Variants in TBCK observed in about 807,000 individuals in gnomAD.
The protein encoded by TBCK is TBC domain-containing protein kinase-like protein.
TBCK carries 99 observed loss-of-function variants against 113.4 expected under a neutral mutation model. That is an observed-to-expected ratio of 0.87 (90% CI 0.74 to 1.03). TBCK has a LOEUF of 1.03. Among genes scored for constraint, TBCK ranks in the 50% least tolerant of loss-of-function variants. The pLI, the probability that TBCK is intolerant of heterozygous loss-of-function variation, is 0.00. For missense variants in TBCK, 1,045 were observed against 1,061.3 expected, an observed-to-expected ratio of 0.98 and a Z score of 0.21; for synonymous variants, 369 against 370.8, an observed-to-expected ratio of 1.00 and a Z score of 0.05.
chr4:106,277,297 C>T (rs992111294), intron 3 of TBCK, among the ~76,000 whole-genome samples: 8 of 152,020 alleles, frequency 5.3e-5, no homozygotes, highest in Non-Finnish European at 5.9e-5. Flanking sequence ...AAATATTAGT[C>T]ATACACATGA....
intron 22 of TBCK, among the ~76,000 whole-genome samples, chr4:106,183,188 G>A (rs1752607547): frequency 6.6e-6 from 1 of 151,948 alleles, no homozygotes; most frequent in Non-Finnish European, 1.5e-5. Flanking sequence ...ATTTCAGGTG[G>A]CCAATCCATC....
chr4:106,091,669 A>T (rs1469838908), intron 25 of TBCK, among the ~76,000 whole-genome samples: 1 of 152,070 alleles, frequency 6.6e-6, no homozygotes, highest in Non-Finnish European at 1.5e-5. Flanking sequence ...TCAGGAGTGA[A>T]GCTGCAGACC....
At chr4:106,121,760 G>C (rs557214731) in intron 23 of TBCK, among the ~76,000 whole-genome samples, 4,176 of 152,184 alleles carry the variant, frequency 0.027, 185 homozygotes, top group African/African-American at 0.096. Context: ...TGAACAACCT[G>C]CTCCTGAATG....
At position 106,136,157 on chromosome 4, in the gene TBCK, ACTGTTATTTTTCCTTTT is replaced by A. The variant is rs1015962370; in HGVS notation, c.2236-19796_2236-19780del. On this transcript the variant is annotated intron_variant, in intron 23 of 25. Transcript: ENST00000394708. ...CCTTTTTTTATTCAGTTTTTCCTTT[ACTGTTATTTTTCCTTTT>A]CTGTTATTTTTCCTTGGTCTATAAA... 9.2e-5 allele frequency among the ~76,000 whole-genome samples: 13 copies of A among 140,688 alleles called. 1 individual carries two copies. The highest frequency in any genetic ancestry group is 3.0e-4 in the African/African-American group (12 of 39,672). The allele number at this position is 140,688 out of a possible 152,430, so 92.3% of individuals were successfully genotyped here. A position where few individuals can be genotyped will look rare whatever the true frequency, so the allele number is the denominator to read the frequency against.
chr4:106,290,175 TTTTA>T (rs920920364), intron 3 of TBCK, among the ~76,000 whole-genome samples: 3 of 152,024 alleles, frequency 2.0e-5, no homozygotes, highest in African/African-American at 7.2e-5. Context: ...TAATATATTA[TTTTA>T]TTTATTTATT....
chr4:106,140,114 CT>C (rs1452033753), intron 23 of TBCK, among the ~76,000 whole-genome samples: 1 of 140,066 alleles, frequency 7.1e-6, no homozygotes, highest in East Asian at 2.0e-4. Flanking sequence ...TAAAAAAGGT[CT>C]TCATATCTTC....
At chr4:106,122,703 A>G (rs962940961) in intron 23 of TBCK, among the ~76,000 whole-genome samples, 1 of 152,176 alleles carries the variant, frequency 6.6e-6, no homozygotes, top group African/African-American at 2.4e-5. Context: ...CATCCCTGGG[A>G]TGCAAGGCTG....
chr4:106,211,268 T>G (rs945971919), intron 20 of TBCK, among the ~76,000 whole-genome samples: 27 of 152,186 alleles, frequency 1.8e-4, no homozygotes, highest in African/African-American at 6.5e-4. Flanking sequence ...TGACAGCTTC[T>G]TCAACTCTAG....
At chr4:106,047,374 G>C (rs770419957) in intron 25 of TBCK, among the ~76,000 whole-genome samples, 1 of 152,120 alleles carries the variant, frequency 6.6e-6, no homozygotes, top group Non-Finnish European at 1.5e-5. Context: ...CCTCAACTGC[G>C]TATCAATCCC....
At chr4:106,249,540 C>T (rs996973296) in intron 7 of TBCK, among the ~76,000 whole-genome samples, 4 of 152,106 alleles carry the variant, frequency 2.6e-5, no homozygotes, top group Non-Finnish European at 4.4e-5. Flanking sequence ...ATGTAAACAG[C>T]GCTTTTTAAG....
chr4:106,044,035 C>A lies in TBCK; in HGVS notation c.*2535G>T, dbSNP rs1309784723. ...TATTATAATTTTCATGTTTAAAAAACTTCAATTTCTTGGAATAAGCCTAAA... is the reference window on the plus strand; with the variant it reads ...TATTATAATTTTCATGTTTAAAAAAATTCAATTTCTTGGAATAAGCCTAAA... On this transcript the variant is annotated 3_prime_UTR_variant, in exon 26 of 26. Transcript: ENST00000394708. 1 of 152,108 alleles carries A rather than the reference C, an allele frequency of 6.6e-6. No homozygotes were observed. The highest frequency in any genetic ancestry group is 1.5e-5 in the Non-Finnish European group (1 of 68,016). The allele number at this position is 152,108 out of a possible 1,614,324, so 9.4% of individuals were successfully genotyped here.
chr4:106,211,176 T>C (rs958436244), intron 20 of TBCK, among the ~76,000 whole-genome samples: 1 of 152,160 alleles, frequency 6.6e-6, no homozygotes, highest in Non-Finnish European at 1.5e-5. Context: ...AATAATTATC[T>C]TTTTTAGTCT....
Position 106,244,752 on chromosome 4 carries a change from T to C in TBCK, c.944A>G (p.Asp315Gly), listed in dbSNP as rs757455309. 1 of 1,585,378 alleles carries C rather than the reference T, an allele frequency of 6.3e-7. No homozygotes were observed. Among genetic ancestry groups the C allele is most frequent in the Non-Finnish European group, 8.6e-7 (1 of 1,163,516 alleles). The change falls in exon 11 of 26, where the codon GAT becomes GGT. Residue 315 changes from aspartate to glycine, a missense_variant. By Grantham distance (94) the Asp-to-Gly change is moderately conservative. Coordinates refer to ENST00000394708, the MANE Select transcript of TBCK (RefSeq NM_001163435.3). ...ISQLCKDINN[D>G]YLAERSIEEV... ...TTCAATAGATCTTTCTGCCAGGTAA[T>C]CATTATTTATATCTATTAAAAGCAA...
chr4:106,042,037 AAAG>A lies in TBCK; in HGVS notation c.*4530_*4532del, dbSNP rs2149434161. The A allele has an allele frequency of 6.6e-6, 1 of 152,378 alleles. No individual in the cohort carries two copies. The highest frequency in any genetic ancestry group is 2.1e-4 in the South Asian group (1 of 4,834). The allele number at this position is 152,378 out of a possible 1,614,324, so 9.4% of individuals were successfully genotyped here. On this transcript the variant is annotated 3_prime_UTR_variant, in exon 26 of 26. Coordinates refer to ENST00000394708, the MANE Select transcript of TBCK (RefSeq NM_001163435.3). ...CCCTGTTAAATGTCAAGTGTCAGTT[AAAG>A]TTTGAAACTCTTCACCATTAGTTTT...
chr4:106,096,469 T>A (rs1486489465), intron 24 of TBCK, among the ~76,000 whole-genome samples: 1 of 152,202 alleles, frequency 6.6e-6, no homozygotes, highest in South Asian at 2.1e-4. Context: ...CAAACAACCT[T>A]TTCAACTATG....
chr4:106,146,104 C>A (rs1460064711), intron 23 of TBCK, among the ~76,000 whole-genome samples: 1 of 152,162 alleles, frequency 6.6e-6, no homozygotes, highest in Non-Finnish European at 1.5e-5. Flanking sequence ...CAAATGTTCA[C>A]TGCAGCACTG....
chr4:106,149,347 A>G (rs1468924984), intron 23 of TBCK, among the ~76,000 whole-genome samples: 7 of 152,216 alleles, frequency 4.6e-5, no homozygotes, highest in African/African-American at 1.7e-4. Context: ...CTTTTGGGCT[A>G]TCTTGGCTTT....
rs1757781250 is a variant in TBCK at position 106,222,232 on chromosome 4, A to C, written c.1774+8131T>G. 2.6e-5 allele frequency among the ~76,000 whole-genome samples: 4 copies of C among 152,058 alleles called. No individual in the cohort carries two copies. In the South Asian group the frequency reaches 8.3e-4, roughly 32 times the overall value. On this transcript the variant is annotated intron_variant, in intron 19 of 25. Coordinates refer to ENST00000394708, the MANE Select transcript of TBCK (RefSeq NM_001163435.3). ...TATAACTTTTAATTTTTCCAATGAAATATAAAATGAAAATAAATTGTCATC... is the reference window on the plus strand; with the variant it reads ...TATAACTTTTAATTTTTCCAATGAACTATAAAATGAAAATAAATTGTCATC...
intron 2 of TBCK, among the ~76,000 whole-genome samples, chr4:106,298,599 G>C (rs958477565): frequency 4.6e-5 from 7 of 151,644 alleles, no homozygotes; most frequent in Admixed American, 1.3e-4. Context: ...AACAGAGCAA[G>C]ACTGTCTCAA....
Sources: gnomAD v4.1 joint callset for allele counts (sites outside exome capture counted in the v4.1 genomes callset) on GRCh38, gnomAD v4.1.1 for gene constraint, MANE v1.5 for transcripts, NCBI Gene and HGNC (gene_info 2026-07-23, HGNC 2026-07-21) for gene names.